METTL25: variants seen among roughly 807,000 people sequenced by gnomAD.
The protein encoded by METTL25 is probable methyltransferase-like protein 25.
METTL25 carries 64 observed loss-of-function variants against 71.6 expected under a neutral mutation model. The observed-to-expected ratio is 0.89, with a 90% CI of 0.73 to 1.10. The LOEUF (loss-of-function observed/expected upper bound fraction) is 1.10, where lower values mean the gene tolerates loss of function less well. Among genes scored for constraint, METTL25 ranks in the 50% least tolerant of loss-of-function variants. The probability of loss-of-function intolerance (pLI) is 0.00; values close to 1 mark genes in which losing one functional copy is unlikely to be tolerated. For missense variants in METTL25, 807 were observed against 707.0 expected, an observed-to-expected ratio of 1.14 and a Z score of -1.60; for synonymous variants, 287 against 250.3, an observed-to-expected ratio of 1.15 and a Z score of -1.38.
intron 9 of METTL25, among the ~76,000 whole-genome samples, chr12:82,460,379 C>T (rs780605194): frequency 7.9e-5 from 12 of 151,992 alleles, no homozygotes; most frequent in Non-Finnish European, 1.6e-4. Context: ...GTGGCCTGTG[C>T]ATAGTGACTT....
At chr12:82,375,500 T>C (rs528120633) in intron 1 of METTL25, among the ~76,000 whole-genome samples, 1 of 152,330 alleles carries the variant, frequency 6.6e-6, no homozygotes, top group South Asian at 2.1e-4. Context: ...TATTTTGTTA[T>C]AGCAGGAAAG....
At chr12:82,427,954 A>G (rs1431479060) in intron 5 of METTL25, among the ~76,000 whole-genome samples, 3 of 151,990 alleles carry the variant, frequency 2.0e-5, no homozygotes, top group Admixed American at 2.0e-4. Context: ...GTCAACAAGT[A>G]GAACTGCTCT....
At chr12:82,402,936 C>G (rs748887329) in intron 4 of METTL25, 47 bp from the exon 5 acceptor site, 4 of 1,411,198 alleles carry the variant, frequency 2.8e-6, no homozygotes, top group Non-Finnish European at 3.9e-6. Flanking sequence ...TTTTAAACAA[C>G]CCTCTTTTTA....
intron 9 of METTL25, among the ~76,000 whole-genome samples, chr12:82,460,749 T>G (rs1361060029): frequency 6.6e-6 from 1 of 152,200 alleles, no homozygotes; most frequent in Non-Finnish European, 1.5e-5. Flanking sequence ...GATGGGATTC[T>G]AGACTGGAAA....
intron 5 of METTL25, among the ~76,000 whole-genome samples, chr12:82,409,370 T>C (rs1376039531): frequency 6.6e-6 from 1 of 152,200 alleles, no homozygotes; most frequent in Non-Finnish European, 1.5e-5. Flanking sequence ...ATTTTGAATA[T>C]TGATTATTGT....
At chr12:82,469,673 A>C (rs1892456821) in intron 9 of METTL25, among the ~76,000 whole-genome samples, 2 of 151,922 alleles carry the variant, frequency 1.3e-5, no homozygotes, top group African/African-American at 2.4e-5. Flanking sequence ...TGCAGAGTGC[A>C]GGTGAAAGAC....
At chr12:82,412,857 TCTC>T (rs1887658206) in intron 5 of METTL25, among the ~76,000 whole-genome samples, 1 of 152,026 alleles carries the variant, frequency 6.6e-6, no homozygotes, top group African/African-American at 2.4e-5. Flanking sequence ...TTCATAAATT[TCTC>T]CTAAGTTGAA....
intron 5 of METTL25, among the ~76,000 whole-genome samples, chr12:82,429,396 A>G (rs1269681508): frequency 2.0e-5 from 3 of 150,530 alleles, no homozygotes; most frequent in Non-Finnish European, 3.0e-5. Context: ...TTTTTTGACC[A>G]AATAATACTC....
intron 8 of METTL25, among the ~76,000 whole-genome samples, chr12:82,449,862 A>G (rs1173374697): frequency 6.6e-6 from 1 of 152,084 alleles, no homozygotes; most frequent in East Asian, 1.9e-4. Context: ...CTTTATAGCA[A>G]AATTCCTTGA....
intron 1 of METTL25, among the ~76,000 whole-genome samples, chr12:82,363,842 G>T (rs987688316): frequency 6.6e-6 from 1 of 151,828 alleles, no homozygotes; most frequent in African/African-American, 2.4e-5. Context: ...AGTGTGACCC[G>T]TATTTAGGAA....
intron 11 of METTL25, 94 bp from the exon 12 acceptor site, chr12:82,478,838 A>G (rs778566655): frequency 2.1e-6 from 2 of 933,558 alleles, no homozygotes; most frequent in African/African-American, 3.3e-5. Flanking sequence ...CTTTGTTTTT[A>G]TGTATTTTTT....
chr12:82,443,866 A>T (rs976717786), intron 8 of METTL25, among the ~76,000 whole-genome samples: 5 of 152,216 alleles, frequency 3.3e-5, no homozygotes, highest in African/African-American at 1.2e-4. Context: ...CTTATTCATG[A>T]AAGGTCTGCC....
At chr12:82,368,898 T>C (rs562141838) in intron 1 of METTL25, among the ~76,000 whole-genome samples, 21 of 152,328 alleles carry the variant, frequency 1.4e-4, no homozygotes, top group Non-Finnish European at 2.9e-4. Flanking sequence ...ATTATGAAGA[T>C]GGGTGAAATA....
intron 9 of METTL25, among the ~76,000 whole-genome samples, chr12:82,470,062 A>G (rs1378662977): frequency 6.6e-6 from 1 of 152,220 alleles, no homozygotes; most frequent in Admixed American, 6.5e-5. Context: ...TGTGTCCATC[A>G]AAGACAATAA....
intron 5 of METTL25, among the ~76,000 whole-genome samples, chr12:82,407,107 C>T (rs1003072533): frequency 3.3e-5 from 5 of 152,086 alleles, no homozygotes; most frequent in Non-Finnish European, 5.9e-5. Context: ...TAAGATTACT[C>T]CATAATCTGT....
chr12:82,438,665 T>C (rs745534050), intron 7 of METTL25, 53 bp from the exon 8 acceptor site: 60 of 1,169,404 alleles, frequency 5.1e-5, no homozygotes, highest in Non-Finnish European at 6.7e-5. Context: ...GGTATTTATT[T>C]TATTTCTGTT....
At chr12:82,390,166 A>C (rs1464283624) in intron 3 of METTL25, among the ~76,000 whole-genome samples, 1 of 152,074 alleles carries the variant, frequency 6.6e-6, no homozygotes, top group Non-Finnish European at 1.5e-5. Context: ...CACACATTTC[A>C]TTCTTTTCAG....
At position 82,424,280 on chromosome 12, in the gene METTL25, G is replaced by A. The variant is rs192286601; in HGVS notation, c.1280-6613G>A. Among the ~76,000 whole-genome samples the A allele has an allele frequency of 3.5e-3, 533 of 151,920 alleles. 2 individuals are homozygous for A. The highest frequency in any genetic ancestry group is 0.012 in the African/African-American group (486 of 41,428). ...AAACCATCATTCTCAGCAAACTATCGCAAGGACAAAAAACCAAACACCGCA... is the reference window on the plus strand; with the variant it reads ...AAACCATCATTCTCAGCAAACTATCACAAGGACAAAAAACCAAACACCGCA... On this transcript the variant is annotated intron_variant, in intron 5 of 11. Coordinates refer to ENST00000248306, the MANE Select transcript of METTL25 (RefSeq NM_032230.3).
intron 1 of METTL25, among the ~76,000 whole-genome samples, chr12:82,383,711 A>G (rs962694630): frequency 5.3e-5 from 8 of 152,162 alleles, no homozygotes; most frequent in African/African-American, 1.9e-4. Context: ...TTTACTAATT[A>G]TAAATATTAT....
Sources: allele counts gnomAD v4.1 joint callset (sites outside exome capture counted in the v4.1 genomes callset), GRCh38; gene constraint gnomAD v4.1.1; transcripts MANE v1.5; gene names NCBI Gene and HGNC (gene_info 2026-07-23, HGNC 2026-07-21).